PIK3C2G: variants seen among roughly 807,000 people sequenced by gnomAD.
PIK3C2G encodes the protein phosphatidylinositol-4-phosphate 3-kinase catalytic subunit type 2 gamma.
In PIK3C2G, 168 loss-of-function variants were observed where a neutral mutation model predicts 181.1. The ratio of observed to expected loss-of-function variants is 0.93; its 90% CI spans 0.82 to 1.05. The LOEUF is 1.05. Among genes scored for constraint, PIK3C2G ranks in the 50% least tolerant of loss-of-function variants. PIK3C2G has a pLI of 0.00. For synonymous variants in PIK3C2G, 573 were observed against 592.2 expected (o/e 0.97, Z 0.47); for missense variants, 1,869 against 1,732.8 (o/e 1.08, Z -1.40).
chr12:18,707,114 G>A, the PIK3C2G span, among the ~76,000 whole-genome samples: 1 of 152,060 alleles, frequency 6.6e-6, no homozygotes, highest in Admixed American at 6.5e-5. Flanking sequence ...GGTGTTCAGC[G>A]CCTACTCAGA....
chr12:18,468,494 T>C (rs1204019043), intron 18 of PIK3C2G, among the ~76,000 whole-genome samples: 1 of 152,106 alleles, frequency 6.6e-6, no homozygotes, highest in African/African-American at 2.4e-5. Context: ...ATACTTTAAA[T>C]GCTTAAGAGG....
intron 24 of PIK3C2G, among the ~76,000 whole-genome samples, chr12:18,521,633 G>A (rs1034513878): frequency 1.3e-5 from 2 of 152,306 alleles, no homozygotes; most frequent in Admixed American, 1.3e-4. Flanking sequence ...GTTAGGAAGG[G>A]GGAGTGCAGC....
intron 31 of PIK3C2G, among the ~76,000 whole-genome samples, chr12:18,637,883 T>C (rs4763508): frequency 0.27 from 41,398 of 152,184 alleles, 6,271 homozygotes; most frequent in Admixed American, 0.41. Context: ...TTGGTCCATG[T>C]GTCAGCCAAC....
chr12:18,560,169 A>G (rs1565508252), intron 26 of PIK3C2G, among the ~76,000 whole-genome samples: 1 of 151,906 alleles, frequency 6.6e-6, no homozygotes, highest in Non-Finnish European at 1.5e-5. Flanking sequence ...ACAGCAACAG[A>G]TAGGAAAGCC....
chr12:18,450,131 T>G (rs560381592), intron 18 of PIK3C2G, among the ~76,000 whole-genome samples: 96 of 152,318 alleles, frequency 6.3e-4, no homozygotes, highest in African/African-American at 2.2e-3. Context: ...CGTTGTTTTT[T>G]ATTTTTATTT....
At chr12:18,318,705 T>C (rs899283668) in intron 6 of PIK3C2G, among the ~76,000 whole-genome samples, 1 of 151,840 alleles carries the variant, frequency 6.6e-6, no homozygotes, top group Non-Finnish European at 1.5e-5. Flanking sequence ...GCTCAATTCA[T>C]CTTAGATAAT....
chr12:18,256,788 T>C (rs1490665716), upstream of PIK3C2G, among the ~76,000 whole-genome samples: 1 of 152,162 alleles, frequency 6.6e-6, no homozygotes, highest in African/African-American at 2.4e-5. Context: ...TCTCCCACTC[T>C]CAATCCTTAG....
chr12:18,525,386 C>G (rs988553412), intron 24 of PIK3C2G, among the ~76,000 whole-genome samples: 2 of 150,190 alleles, frequency 1.3e-5, no homozygotes, highest in Non-Finnish European at 2.9e-5. Flanking sequence ...AAAGCAAAAC[C>G]CCATCTCAAA....
At chr12:18,607,003 G>A (rs980383479) in intron 30 of PIK3C2G, among the ~76,000 whole-genome samples, 1 of 152,082 alleles carries the variant, frequency 6.6e-6, no homozygotes, top group African/African-American at 2.4e-5. Flanking sequence ...CATTGGCTTT[G>A]CCCCTTGGGG....
At chr12:18,379,484 G>A (rs901623603) in intron 13 of PIK3C2G, among the ~76,000 whole-genome samples, 3 of 152,132 alleles carry the variant, frequency 2.0e-5, no homozygotes, top group Non-Finnish European at 4.4e-5. Flanking sequence ...TGCACGTTGT[G>A]CACAGGTACC....
At chr12:18,338,352 A>G in intron 8 of PIK3C2G, 74 bp from the exon 9 acceptor site, 1 of 1,169,726 alleles carries the variant, frequency 8.5e-7, no homozygotes, top group South Asian at 1.6e-5. Flanking sequence ...TGGAAAAAGA[A>G]GAAGTTTGAG....
intron 18 of PIK3C2G, among the ~76,000 whole-genome samples, chr12:18,484,584 A>G (rs1939864404): frequency 1.3e-5 from 2 of 152,184 alleles, no homozygotes; most frequent in Non-Finnish European, 2.9e-5. Flanking sequence ...AATGCTCTTT[A>G]TATGCAAAAT....
intron 19 of PIK3C2G, 27 bp downstream of exon 19, chr12:18,488,656 A>T: frequency 7.3e-7 from 1 of 1,363,696 alleles, no homozygotes; most frequent in South Asian, 1.7e-5. Context: ...ATATTCAGGT[A>T]GTAATGTTTT....
chr12:18,357,582 T>C (rs1286307218), intron 11 of PIK3C2G, among the ~76,000 whole-genome samples: 1 of 152,222 alleles, frequency 6.6e-6, no homozygotes, highest in African/African-American at 2.4e-5. Flanking sequence ...TAGTGCTAAA[T>C]AATTTATGTT....
intron 1 of PIK3C2G, among the ~76,000 whole-genome samples, chr12:18,275,994 A>T (rs897541779): frequency 6.6e-6 from 1 of 152,218 alleles, no homozygotes; most frequent in African/African-American, 2.4e-5. Flanking sequence ...TTACTAAAAG[A>T]ACACTCAGTA....
At chr12:18,625,793 GTTT>G (rs1268143624) in intron 31 of PIK3C2G, among the ~76,000 whole-genome samples, 2 of 151,746 alleles carry the variant, frequency 1.3e-5, no homozygotes, top group African/African-American at 4.8e-5. Flanking sequence ...TCTTTTTGCA[GTTT>G]TTTATTTAAA....
intron 31 of PIK3C2G, among the ~76,000 whole-genome samples, chr12:18,613,522 C>T (rs1592716645): frequency 6.6e-6 from 1 of 152,054 alleles, no homozygotes; most frequent in South Asian, 2.1e-4. Context: ...TCTTCTTTTA[C>T]ATTTTTAATG....
At chr12:18,720,234 C>G in the PIK3C2G span, among the ~76,000 whole-genome samples, 1 of 151,908 alleles carries the variant, frequency 6.6e-6, no homozygotes, top group South Asian at 2.1e-4. Flanking sequence ...CATTGTATGA[C>G]TATGCCACAA....
chr12:18,450,285 C>T (rs1261957036), intron 18 of PIK3C2G, among the ~76,000 whole-genome samples: 1 of 152,158 alleles, frequency 6.6e-6, no homozygotes. Flanking sequence ...TGCCACCACG[C>T]CTGGCTAATT....
Sources: allele counts gnomAD v4.1 joint callset (sites outside exome capture counted in the v4.1 genomes callset), GRCh38; gene constraint gnomAD v4.1.1; transcripts MANE v1.5; gene names NCBI Gene and HGNC (gene_info 2026-07-23, HGNC 2026-07-21).